The following SGCD variants were observed in gnomAD, a reference collection of about 807,000 sequenced individuals.
The protein encoded by SGCD is delta-sarcoglycan.
Under a neutral mutation model 36.6 loss-of-function variants are expected in SGCD, and 18 were observed. That is an observed-to-expected ratio of 0.49 (90% confidence interval 0.34 to 0.73). The LOEUF (loss-of-function observed/expected upper bound fraction) is 0.73, where lower values mean the gene tolerates loss of function less well. Ranked by LOEUF, SGCD falls within the 30% of genes least tolerant of loss-of-function variation. The pLI is 0.01. For missense variants in SGCD, 387 were observed against 346.7 expected, an observed-to-expected ratio of 1.12 and a Z score of -0.92; for synonymous variants, 133 against 130.6, an observed-to-expected ratio of 1.02 and a Z score of -0.12.
At chr5:156,039,774 T>C (rs1759591215) in intron 1 of SGCD, among the ~76,000 whole-genome samples, 1 of 152,022 alleles carries the variant, frequency 6.6e-6, no homozygotes, top group Non-Finnish European at 1.5e-5. Context: ...TTCAGCATCG[T>C]GAAAGAGAAA....
chr5:156,030,202 G>A (rs1385539575), intron 1 of SGCD, among the ~76,000 whole-genome samples: 2 of 152,302 alleles, frequency 1.3e-5, no homozygotes, highest in South Asian at 4.1e-4. Flanking sequence ...AATTACCATG[G>A]TTGAATTGTG....
Position 156,277,541 on chromosome 5 carries a change from G to A in SGCD, c.-43-51993G>A, listed in dbSNP as rs566514428. Among the ~76,000 whole-genome samples, 26 of 152,286 alleles carry A rather than the reference G, an allele frequency of 1.7e-4. No individual in the cohort carries two copies. The South Asian group carries it at 3.5e-3, about 21-fold the overall frequency. On this transcript the variant is annotated intron_variant, in intron 3 of 9. Transcript: ENST00000517913. Reference sequence around the variant, plus strand: ...CCACAGCATAATAAAACTTGGGTGAGTAAAAGAGGGACAGAAGAGAGCACT... The same window carrying A: ...CCACAGCATAATAAAACTTGGGTGAATAAAAGAGGGACAGAAGAGAGCACT...
At chr5:156,206,310 A>G (rs1283028538) in intron 3 of SGCD, among the ~76,000 whole-genome samples, 1 of 151,952 alleles carries the variant, frequency 6.6e-6, no homozygotes, top group African/African-American at 2.4e-5. Flanking sequence ...GGTCACAATT[A>G]ATACTACCAT....
At chr5:156,726,539 A>G (rs998379620) in intron 7 of SGCD, among the ~76,000 whole-genome samples, 1 of 152,166 alleles carries the variant, frequency 6.6e-6, no homozygotes, top group Non-Finnish European at 1.5e-5. Context: ...GAAAGACCCC[A>G]TACTCCTTTC....
chr5:156,328,760 G>A (rs1404532579), intron 1 of SGCD, among the ~76,000 whole-genome samples: 1 of 151,982 alleles, frequency 6.6e-6, no homozygotes, highest in East Asian at 1.9e-4. Flanking sequence ...TTCGTGTTGG[G>A]GTGGTGTGGG....
chr5:156,433,317 C>A (rs1411624792), intron 3 of SGCD, among the ~76,000 whole-genome samples: 4 of 152,092 alleles, frequency 2.6e-5, no homozygotes, highest in African/African-American at 9.7e-5. Context: ...GGGATTTGGA[C>A]CAGGCAGATA....
At chr5:156,380,453 A>G (rs1350809308) in intron 3 of SGCD, among the ~76,000 whole-genome samples, 1 of 152,230 alleles carries the variant, frequency 6.6e-6, no homozygotes, top group Non-Finnish European at 1.5e-5. Flanking sequence ...AGGAGCAAGC[A>G]CAGTTTTCAA....
In SGCD at chr5:156,155,820, C is replaced by A. The variant is rs1762948261; in HGVS notation, c.-44+31801C>A. On this transcript the variant is annotated intron_variant, in intron 3 of 9. Transcript: ENST00000517913. ...AGTTGAGGTGTCAGTGGGCTTCCTG[C>A]CAAGGCTAGTTTCTCATTAACTTTA... Among the ~76,000 whole-genome samples the A allele has an allele frequency of 2.0e-5, 3 of 151,654 alleles. No homozygotes were observed. The South Asian group carries it at 6.2e-4, about 31-fold the overall frequency.
chr5:155,870,812 T>G (rs1007417783), intron 1 of SGCD, among the ~76,000 whole-genome samples: 3 of 152,112 alleles, frequency 2.0e-5, no homozygotes, highest in African/African-American at 7.2e-5. Context: ...GTTAACGTCT[T>G]TTTGCAGGTG....
intron 6 of SGCD, among the ~76,000 whole-genome samples, chr5:156,614,141 C>T (rs1761938556): frequency 6.6e-6 from 1 of 152,162 alleles, no homozygotes; most frequent in South Asian, 2.1e-4. Context: ...GAGATGGTTT[C>T]ACCACGTTGG....
In SGCD at chr5:156,680,796, G is replaced by A. The variant is rs117201142; in HGVS notation, c.575+33260G>A. Among the ~76,000 whole-genome samples, 96 of 152,260 alleles carry A rather than the reference G, an allele frequency of 6.3e-4. 2 individuals are homozygous for A. In the East Asian group the frequency reaches 0.017, roughly 27 times the overall value. On this transcript the variant is annotated intron_variant, in intron 7 of 8. Coordinates refer to ENST00000337851, the MANE Select transcript of SGCD (RefSeq NM_000337.6). ...GGTAGAAGCACTTCAGCAGGGAGAG[G>A]TAACATTATATGGTATTGCATGGAG...
chr5:155,994,021 G>A (rs750610683), intron 1 of SGCD, among the ~76,000 whole-genome samples: 23 of 152,314 alleles, frequency 1.5e-4, no homozygotes, highest in South Asian at 8.3e-4. Context: ...TGTAGTGATC[G>A]TCTTTGGAAA....
intron 4 of SGCD, among the ~76,000 whole-genome samples, chr5:156,576,171 G>A (rs946560288): frequency 5.3e-5 from 8 of 151,846 alleles, no homozygotes; most frequent in South Asian, 4.2e-4. Flanking sequence ...GAGAACATGC[G>A]GTGTTTGGTT....
intron 3 of SGCD, among the ~76,000 whole-genome samples, chr5:156,289,372 T>C (rs978644176): frequency 2.0e-5 from 3 of 152,070 alleles, no homozygotes; most frequent in African/African-American, 7.2e-5. Context: ...GGTAAATATG[T>C]GCCATGGTGG....
intron 3 of SGCD, among the ~76,000 whole-genome samples, chr5:156,407,695 A>AT (rs1772499091): frequency 1.3e-5 from 2 of 152,150 alleles, no homozygotes; most frequent in Admixed American, 1.3e-4. Context: ...GGAAAAGGAG[A>AT]TTTTCAAGGG....
the SGCD span, among the ~76,000 whole-genome samples, chr5:155,816,059 G>C: frequency 2.0e-5 from 3 of 152,152 alleles, no homozygotes; most frequent in Non-Finnish European, 4.4e-5. Context: ...TGAAAATAGT[G>C]GTGGTGGGGA....
chr5:156,547,966 G>T (rs1416092052), intron 4 of SGCD, among the ~76,000 whole-genome samples: 1 of 152,140 alleles, frequency 6.6e-6, no homozygotes, highest in East Asian at 1.9e-4. Context: ...AGCACACAGG[G>T]TCATCATGGA....
rs113539615 is a variant in SGCD at position 156,086,050 on chromosome 5, A to T, written c.-281-31828A>T. Among the ~76,000 whole-genome samples the T allele has an allele frequency of 6.4e-3, 970 of 152,228 alleles. 5 individuals carry two copies. Among genetic ancestry groups the T allele is most frequent in the African/African-American group, 0.022 (917 of 41,532 alleles). On this transcript the variant is annotated intron_variant, in intron 1 of 9. Coordinates refer to the SGCD transcript ENST00000517913. ...GGGTGTATCTTTTTCTATAGTTTTC[A>T]TAGTGGTTTCTCTGGCAAAAATAAA...
Position 156,735,030 on chromosome 5 carries a change from G to GTTTTAAACAGTCTGGCCAC in SGCD, c.576-22546_576-22528dup, listed in dbSNP as rs1581495009. Among the ~76,000 whole-genome samples, 4 of 152,040 alleles carry GTTTTAAACAGTCTGGCCAC rather than the reference G, an allele frequency of 2.6e-5. No individual in the cohort carries two copies. The East Asian group carries it at 7.7e-4, about 29-fold the overall frequency. On this transcript the variant is annotated intron_variant, in intron 7 of 8. Transcript: ENST00000337851. ...GACCTCTGGATGGTTTTTTTGTTTT[G>GTTTTAAACAGTCTGGCCAC]TTTTAAACAGTCTGGCCACTTTTCT...
Sources: gnomAD v4.1 joint callset for allele counts (sites outside exome capture counted in the v4.1 genomes callset) on GRCh38, gnomAD v4.1.1 for gene constraint, MANE v1.5 for transcripts, NCBI Gene and HGNC (gene_info 2026-07-23, HGNC 2026-07-21) for gene names.